Variants in TMTC4 observed in about 807,000 individuals in gnomAD.
The protein encoded by TMTC4 is transmembrane O-mannosyltransferase targeting cadherins 4, also known as protein O-mannosyl-transferase TMTC4.
TMTC4 carries 65 observed loss-of-function variants against 86.0 expected under a neutral mutation model. That is an observed-to-expected ratio of 0.76 (90% CI 0.62 to 0.93). The LOEUF (loss-of-function observed/expected upper bound fraction) is 0.93. TMTC4 is among the 40% of genes least tolerant of loss of function. The pLI is 0.00. For missense variants in TMTC4, 866 were observed against 948.1 expected (o/e 0.91, Z 1.14); for synonymous variants, 379 against 382.5 (o/e 0.99, Z 0.11).
intron 6 of TMTC4, among the ~76,000 whole-genome samples, chr13:100,645,673 C>A (rs905597337): frequency 6.6e-6 from 1 of 152,176 alleles, no homozygotes; most frequent in Non-Finnish European, 1.5e-5. Context: ...TGACTGCCCC[C>A]GTAGATTAGG....
chr13:100,673,811 C>T (rs1887452344), intron 1 of TMTC4, among the ~76,000 whole-genome samples: 1 of 152,156 alleles, frequency 6.6e-6, no homozygotes, highest in Non-Finnish European at 1.5e-5. Context: ...CGTGATTTTA[C>T]CCCACTCCAT....
intron 12 of TMTC4, among the ~76,000 whole-genome samples, chr13:100,630,067 A>ATG (rs144614010): frequency 0.023 from 2,758 of 120,202 alleles, 80 homozygotes; most frequent in African/African-American, 0.091. Flanking sequence ...GTGTGTGTGT[A>ATG]TGTGTGTGTG....
intron 17 of TMTC4, among the ~76,000 whole-genome samples, chr13:100,610,879 A>T (rs1238465528): frequency 6.6e-6 from 1 of 152,242 alleles, no homozygotes; most frequent in African/African-American, 2.4e-5. Context: ...TGGAAAGGTC[A>T]TTAGAAGGGA....
intron 7 of TMTC4, among the ~76,000 whole-genome samples, chr13:100,641,117 G>A (rs1882950369): frequency 6.6e-6 from 1 of 151,978 alleles, no homozygotes; most frequent in African/African-American, 2.4e-5. Flanking sequence ...TACCCCAAGA[G>A]AATACAGTGT....
At position 100,616,873 on chromosome 13, in the gene TMTC4, T is replaced by C. The variant is rs531898746; in HGVS notation, c.1837-2443A>G. Among the ~76,000 whole-genome samples, 5 of 152,334 alleles carry C rather than the reference T, an allele frequency of 3.3e-5. No individual in the cohort carries two copies. In the South Asian group the frequency reaches 1.0e-3, roughly 32 times the overall value. On this transcript the variant is annotated intron_variant, in intron 15 of 18. Transcript: ENST00000342624. ...CCACTTTTTAATGGGGCTGTTTTTT[T>C]GCTTGTTGATTTGTTACTTATAGAT... is the stretch of plus-strand genomic sequence containing the variant.
chr13:100,666,523 C>T (rs1448740636), intron 3 of TMTC4, among the ~76,000 whole-genome samples: 3 of 152,194 alleles, frequency 2.0e-5, no homozygotes, highest in Admixed American at 6.5e-5. Context: ...CAACACGGCT[C>T]GTGTTTTTCT....
intron 7 of TMTC4, among the ~76,000 whole-genome samples, chr13:100,640,810 C>CAA (rs55847448): frequency 1.8e-4 from 16 of 90,208 alleles, no homozygotes; most frequent in African/African-American, 5.3e-4. Context: ...GGCTCTGTCT[C>CAA]AAAAAAAAAA....
chr13:100,673,871 G>A (rs1328459968), intron 1 of TMTC4, among the ~76,000 whole-genome samples: 2 of 152,122 alleles, frequency 1.3e-5, no homozygotes, highest in African/African-American at 4.8e-5. Flanking sequence ...GGACAGGGAG[G>A]GGACCTAGTC....
intron 6 of TMTC4, among the ~76,000 whole-genome samples, chr13:100,644,584 C>T (rs1003402247): frequency 3.9e-5 from 6 of 152,216 alleles, no homozygotes; most frequent in South Asian, 4.1e-4. Flanking sequence ...TCCTCACTCC[C>T]ACACAGTCTC....
At chr13:100,623,957 G>C in intron 15 of TMTC4, 2 of 446,396 alleles carry the variant, frequency 4.5e-6, no homozygotes, top group South Asian at 1.7e-5. Context: ...GTAGTACATT[G>C]TATGGGTCCA....
intron 7 of TMTC4, among the ~76,000 whole-genome samples, chr13:100,640,737 G>A (rs78631038): frequency 0.072 from 10,963 of 151,288 alleles, 498 homozygotes; most frequent in Non-Finnish European, 0.11. Flanking sequence ...TGGGAGGATC[G>A]TTGAGGCTGC....
At chr13:100,657,404 G>T (rs1297237686) in intron 5 of TMTC4, among the ~76,000 whole-genome samples, 1 of 152,206 alleles carries the variant, frequency 6.6e-6, no homozygotes, top group Non-Finnish European at 1.5e-5. Flanking sequence ...TACAATTTCT[G>T]CCATTTCTTT....
chr13:100,650,263 A>G (rs1312432354), intron 6 of TMTC4, among the ~76,000 whole-genome samples: 1 of 152,244 alleles, frequency 6.6e-6, no homozygotes. Flanking sequence ...AGCATCTAAG[A>G]GAATTCACTC....
intron 7 of TMTC4, 24 bp downstream of exon 7, chr13:100,642,186 GC>G (rs1883102618): frequency 6.2e-7 from 1 of 1,611,938 alleles, no homozygotes; most frequent in Non-Finnish European, 8.5e-7. Context: ...GAAAAAGCAG[GC>G]CCCAGCCATG....
At chr13:100,656,266 C>A in intron 6 of TMTC4, 115 bp downstream of exon 6, 3 of 800,078 alleles carry the variant, frequency 3.7e-6, no homozygotes, top group South Asian at 1.9e-5. Flanking sequence ...TGGCCCAGAT[C>A]CCCTCAGAGT....
At chr13:100,633,298 G>T (rs1594291259) in intron 12 of TMTC4, among the ~76,000 whole-genome samples, 1 of 105,362 alleles carries the variant, frequency 9.5e-6, no homozygotes. Context: ...AACAGAGCAA[G>T]ACTCCATCTC....
chr13:100,608,261 T>C (rs1876975238), intron 17 of TMTC4, among the ~76,000 whole-genome samples: 1 of 152,170 alleles, frequency 6.6e-6, no homozygotes, highest in South Asian at 2.1e-4. Flanking sequence ...ACAGTGGTGC[T>C]GAAGACAGGG....
At chr13:100,660,435 A>C (rs891107498) in intron 5 of TMTC4, among the ~76,000 whole-genome samples, 3 of 152,158 alleles carry the variant, frequency 2.0e-5, no homozygotes, top group Non-Finnish European at 4.4e-5. Context: ...ACACTGAGAC[A>C]AATGGGGTAA....
chr13:100,670,463 C>T lies in TMTC4; in HGVS notation c.-101G>A. On this transcript the variant is annotated 5_prime_UTR_variant, in exon 2 of 19. Coordinates refer to ENST00000342624, the MANE Select transcript of TMTC4 (RefSeq NM_032813.5). ...ACTCTTCCACTGCTTGTCTCTCGAGCCTCACAGCCTGGCATACGGCATGCT... is the reference window on the plus strand; with the variant it reads ...ACTCTTCCACTGCTTGTCTCTCGAGTCTCACAGCCTGGCATACGGCATGCT... 7.6e-7 allele frequency: 1 copy of T among 1,319,512 alleles called. No homozygotes were observed. The highest frequency in any genetic ancestry group is 1.0e-6 in the Non-Finnish European group (1 of 959,442). 81.7% of individuals were successfully genotyped at this position (1,319,512 alleles called of 1,614,324 possible). A position where few individuals can be genotyped will look rare whatever the true frequency, so the allele number is the denominator to read the frequency against.
Sources: gnomAD v4.1 joint callset for allele counts (sites outside exome capture counted in the v4.1 genomes callset) on GRCh38, gnomAD v4.1.1 for gene constraint, MANE v1.5 for transcripts, NCBI Gene and HGNC (gene_info 2026-07-23, HGNC 2026-07-21) for gene names.